The following CADM1 variants were observed in gnomAD, a reference collection of about 807,000 sequenced individuals.
The protein encoded by CADM1 is TSLC-1.
In CADM1, 15 loss-of-function variants were observed where a neutral mutation model predicts 53.1. That is an observed-to-expected ratio of 0.28 (90% CI 0.19 to 0.44). CADM1 has a LOEUF of 0.44. CADM1 is among the 20% of genes least tolerant of loss of function. The probability of loss-of-function intolerance (pLI) is 1.00; values close to 1 mark genes in which losing one functional copy is unlikely to be tolerated. For synonymous variants in CADM1, 281 were observed against 243.0 expected (o/e 1.16, Z -1.45); for missense variants, 434 against 611.3 (o/e 0.71, Z 3.06).
At chr11:115,230,876 A>G (rs2134854078) in intron 4 of CADM1, among the ~76,000 whole-genome samples, 1 of 152,384 alleles carries the variant, frequency 6.6e-6, no homozygotes, top group African/African-American at 2.4e-5. Flanking sequence ...CACAGGTGAT[A>G]GTGCAATAGA....
In CADM1 at chr11:115,209,556, G is replaced by A. The variant is rs368904365; in HGVS notation, c.1078+18C>T. The A allele has an allele frequency of 2.2e-6, 3 of 1,386,554 alleles. No homozygotes were observed. The highest frequency in any genetic ancestry group is 1.9e-6 in the Non-Finnish European group (2 of 1,035,048). The allele number at this position is 1,386,554 out of a possible 1,614,324, so 85.9% of individuals were successfully genotyped here. A position where few individuals can be genotyped will look rare whatever the true frequency, so the allele number is the denominator to read the frequency against. On this transcript the variant is annotated intron_variant, in intron 8 of 11. Transcript: ENST00000331581. ...ATATACATTCAGGACATTTTCAATG[G>A]TAATGAAGATACCATACCTGTGATG...
chr11:115,258,608 T>C (rs1431120700), intron 1 of CADM1, among the ~76,000 whole-genome samples: 1 of 152,200 alleles, frequency 6.6e-6, no homozygotes, highest in Admixed American at 6.5e-5. Context: ...TCCAAAACCA[T>C]CTTTGGTGAA....
At chr11:115,249,211 A>G (rs894316330) in intron 1 of CADM1, among the ~76,000 whole-genome samples, 34 of 152,250 alleles carry the variant, frequency 2.2e-4, no homozygotes, top group Admixed American at 3.3e-4. Context: ...CTGAAGGCCA[A>G]TTGTTGATCT....
At chr11:115,243,763 A>G (rs1942320381) in intron 1 of CADM1, among the ~76,000 whole-genome samples, 1 of 152,214 alleles carries the variant, frequency 6.6e-6, no homozygotes, top group South Asian at 2.1e-4. Flanking sequence ...GCAGAAGGGT[A>G]CAAACAGGCA....
chr11:115,418,059 G>C (rs148903513), intron 1 of CADM1, among the ~76,000 whole-genome samples: 1 of 152,110 alleles, frequency 6.6e-6, no homozygotes, highest in Middle Eastern at 3.2e-3. Context: ...TCAACTTGAC[G>C]TGAAGAAAAA....
chr11:115,318,143 A>T (rs1944723350), intron 1 of CADM1, among the ~76,000 whole-genome samples: 1 of 152,154 alleles, frequency 6.6e-6, no homozygotes, highest in Non-Finnish European at 1.5e-5. Flanking sequence ...GAGTCTCTAT[A>T]TCTAAACCTA....
intron 1 of CADM1, among the ~76,000 whole-genome samples, chr11:115,350,637 T>TAA (rs11378290): frequency 1.1e-4 from 16 of 146,734 alleles, no homozygotes; most frequent in South Asian, 4.3e-4. Flanking sequence ...CCATACTAAC[T>TAA]AAAAAAAAAA....
chr11:115,484,426 C>T (rs529050410), intron 1 of CADM1, among the ~76,000 whole-genome samples: 27 of 152,336 alleles, frequency 1.8e-4, no homozygotes, highest in African/African-American at 6.3e-4. Context: ...AAACAGCTTC[C>T]ATCTATCCTC....
intron 10 of CADM1, among the ~76,000 whole-genome samples, chr11:115,181,169 G>C (rs1939293137): frequency 7.1e-6 from 1 of 140,916 alleles, no homozygotes; most frequent in Non-Finnish European, 1.5e-5. Context: ...GCCTGAGGGG[G>C]GAGGGGGGAG....
intron 1 of CADM1, among the ~76,000 whole-genome samples, chr11:115,370,789 A>C (rs1485778746): frequency 1.3e-5 from 2 of 152,182 alleles, no homozygotes; most frequent in Non-Finnish European, 2.9e-5. Flanking sequence ...CCTGATCCCT[A>C]TATATTGACC....
chr11:115,254,865 T>A lies in CADM1; in HGVS notation c.125-14445A>T, dbSNP rs115701803. 4.9e-3 allele frequency among the ~76,000 whole-genome samples: 748 copies of A among 152,274 alleles called. 8 individuals are homozygous for A. Among genetic ancestry groups the A allele is most frequent in the African/African-American group, 0.017 (719 of 41,562 alleles). ...GCCAGGCTAGGGAATTTGCACTGTATCTTGTAATCAATAGGGGGCCATTAA... is the reference window on the plus strand; with the variant it reads ...GCCAGGCTAGGGAATTTGCACTGTAACTTGTAATCAATAGGGGGCCATTAA... On this transcript the variant is annotated intron_variant, in intron 1 of 11. Coordinates refer to ENST00000331581, the MANE Select transcript of CADM1 (RefSeq NM_001301043.2).
At chr11:115,444,101 A>T (rs1948392552) in intron 1 of CADM1, among the ~76,000 whole-genome samples, 1 of 152,228 alleles carries the variant, frequency 6.6e-6, no homozygotes, top group Non-Finnish European at 1.5e-5. Flanking sequence ...AATCAAAAAA[A>T]ACATAAAAGA....
At chr11:115,269,727 C>T (rs754324616) in intron 1 of CADM1, among the ~76,000 whole-genome samples, 4 of 152,150 alleles carry the variant, frequency 2.6e-5, no homozygotes, top group African/African-American at 9.7e-5. Flanking sequence ...ACCATAATAC[C>T]CATCAAGTCA....
chr11:115,218,698 T>C (rs1370270351), intron 5 of CADM1, among the ~76,000 whole-genome samples: 2 of 152,190 alleles, frequency 1.3e-5, no homozygotes, highest in Non-Finnish European at 1.5e-5. Flanking sequence ...AAGTGTATGT[T>C]GGGATAGATT....
chr11:115,406,950 T>TAA (rs200226896), intron 1 of CADM1, among the ~76,000 whole-genome samples: 4 of 135,792 alleles, frequency 2.9e-5, no homozygotes, highest in South Asian at 2.3e-4. Context: ...AACTCTGTCT[T>TAA]AAAAAAAAAA....
At chr11:115,265,378 T>A (rs2135029176) in intron 1 of CADM1, among the ~76,000 whole-genome samples, 1 of 152,316 alleles carries the variant, frequency 6.6e-6, no homozygotes, top group East Asian at 1.9e-4. Flanking sequence ...GGCCTCTGGC[T>A]TCTGGTCTAT....
At chr11:115,407,838 C>G (rs1947355116) in intron 1 of CADM1, among the ~76,000 whole-genome samples, 1 of 117,554 alleles carries the variant, frequency 8.5e-6, no homozygotes, top group East Asian at 2.9e-4. Context: ...CGCACTCCAG[C>G]TTGGGTGACA....
chr11:115,178,469 A>G (rs1010920340), intron 11 of CADM1, among the ~76,000 whole-genome samples, 175 bp downstream of exon 11: 4 of 151,810 alleles, frequency 2.6e-5, no homozygotes, highest in African/African-American at 9.7e-5. Flanking sequence ...GCGGCTGCTA[A>G]GATTTCTGGT....
At chr11:115,375,414 C>G (rs1190824530) in intron 1 of CADM1, among the ~76,000 whole-genome samples, 1 of 152,120 alleles carries the variant, frequency 6.6e-6, no homozygotes, top group African/African-American at 2.4e-5. Flanking sequence ...AGTTCTTGAC[C>G]TCGGTAATGG....
Sources: gnomAD v4.1 joint callset for allele counts (sites outside exome capture counted in the v4.1 genomes callset) on GRCh38, gnomAD v4.1.1 for gene constraint, MANE v1.5 for transcripts, NCBI Gene and HGNC (gene_info 2026-07-23, HGNC 2026-07-21) for gene names.